Variants in CA10 observed in about 807,000 individuals in gnomAD.
The protein encoded by CA10 is carbonic anhydrase-related protein 10.
Under a neutral mutation model 44.2 loss-of-function variants are expected in CA10, and 14 were observed. That is an observed-to-expected ratio of 0.32 (90% CI 0.21 to 0.50). The LOEUF (loss-of-function observed/expected upper bound fraction) is 0.50, where lower values mean the gene tolerates loss of function less well. Among genes scored for constraint, CA10 ranks in the 20% least tolerant of loss-of-function variants. CA10 has a pLI of 0.99. For synonymous variants in CA10, 159 were observed against 141.6 expected, an observed-to-expected ratio of 1.12 and a Z score of -0.87; for missense variants, 350 against 409.7, an observed-to-expected ratio of 0.85 and a Z score of 1.26.
At chr17:51,952,542 G>A (rs922599552) in intron 2 of CA10, among the ~76,000 whole-genome samples, 6 of 98,212 alleles carry the variant, frequency 6.1e-5, no homozygotes, top group South Asian at 4.4e-4. Flanking sequence ...GTGACAGAGA[G>A]GGACCCTGTC....
At chr17:51,798,783 A>AGG (rs1049300855) in intron 3 of CA10, among the ~76,000 whole-genome samples, 3 of 152,272 alleles carry the variant, frequency 2.0e-5, no homozygotes, top group Non-Finnish European at 2.9e-5. Context: ...ACATTTTATC[A>AGG]GGGCAGGACT....
chr17:51,796,508 A>G (rs1368277462), intron 3 of CA10, among the ~76,000 whole-genome samples: 1 of 152,222 alleles, frequency 6.6e-6, no homozygotes, highest in African/African-American at 2.4e-5. Context: ...GATTGAGTCA[A>G]CAAAACAGAT....
chr17:51,638,697 T>C (rs1306866666), intron 6 of CA10, among the ~76,000 whole-genome samples: 1 of 152,192 alleles, frequency 6.6e-6, no homozygotes, highest in Non-Finnish European at 1.5e-5. Flanking sequence ...GCAGAAGGCA[T>C]GACAGAGACA....
chr17:52,065,646 T>A (rs570586944), intron 2 of CA10, among the ~76,000 whole-genome samples: 1 of 152,254 alleles, frequency 6.6e-6, no homozygotes, highest in East Asian at 1.9e-4. Flanking sequence ...TAGGGTAAAA[T>A]CCAAACTTCT....
At chr17:51,939,002 G>A (rs960535562) in intron 2 of CA10, among the ~76,000 whole-genome samples, 1 of 152,016 alleles carries the variant, frequency 6.6e-6, no homozygotes, top group Non-Finnish European at 1.5e-5. Context: ...TGATCCACAG[G>A]TGTATAAAGC....
At chr17:51,774,890 A>G (rs1455203802) in intron 3 of CA10, among the ~76,000 whole-genome samples, 1 of 152,146 alleles carries the variant, frequency 6.6e-6, no homozygotes, top group African/African-American at 2.4e-5. Context: ...TTTAATACAT[A>G]CATCCTATAG....
At chr17:52,101,626 TATA>T (rs1390017242) in intron 1 of CA10, among the ~76,000 whole-genome samples, 1 of 152,180 alleles carries the variant, frequency 6.6e-6, no homozygotes, top group East Asian at 1.9e-4. Context: ...AATAAAAAAT[TATA>T]ATATTTCTTA....
intron 1 of CA10, chr17:52,134,855 A>T (rs773725153): frequency 5.8e-6 from 3 of 518,922 alleles, no homozygotes; most frequent in South Asian, 4.2e-5. Context: ...CATGAGCCAG[A>T]ACCCTGGGCT....
At chr17:51,958,114 G>T (rs1983735698) in intron 2 of CA10, among the ~76,000 whole-genome samples, 1 of 152,104 alleles carries the variant, frequency 6.6e-6, no homozygotes, top group Non-Finnish European at 1.5e-5. Flanking sequence ...CATATAGTAA[G>T]TGTTCAATGT....
At chr17:51,649,344 C>A in intron 5 of CA10, 90 bp from the exon 6 acceptor site, 2 of 966,134 alleles carry the variant, frequency 2.1e-6, no homozygotes, top group Non-Finnish European at 3.3e-6. Context: ...TTCATAGTTA[C>A]TGAGTATCTA....
intron 2 of CA10, among the ~76,000 whole-genome samples, chr17:51,960,168 G>GA (rs907365740): frequency 4.0e-5 from 6 of 151,382 alleles, no homozygotes; most frequent in African/African-American, 9.7e-5. Flanking sequence ...GGAGATGCCA[G>GA]AAAAAAAAGA....
At chr17:51,838,669 C>T (rs1338240525) in intron 3 of CA10, among the ~76,000 whole-genome samples, 1 of 152,244 alleles carries the variant, frequency 6.6e-6, no homozygotes, top group Non-Finnish European at 1.5e-5. Flanking sequence ...TGAGACACTG[C>T]ATAGTAAAGC....
chr17:51,846,130 C>G (rs942845985), intron 3 of CA10, among the ~76,000 whole-genome samples: 13 of 152,364 alleles, frequency 8.5e-5, no homozygotes, highest in African/African-American at 2.9e-4. Context: ...TACCACAGGT[C>G]TGCAAAGGAG....
intron 4 of CA10, among the ~76,000 whole-genome samples, chr17:51,694,465 G>C (rs1408753384): frequency 6.9e-6 from 1 of 144,064 alleles, no homozygotes; most frequent in Non-Finnish European, 1.5e-5. Context: ...AGAAGTGGCT[G>C]TTCATGTCTT....
intron 1 of CA10, among the ~76,000 whole-genome samples, chr17:52,125,518 G>A (rs758637047): frequency 3.3e-5 from 5 of 152,120 alleles, no homozygotes; most frequent in Non-Finnish European, 7.3e-5. Context: ...GAAGTGGGGC[G>A]GATCTCTAGA....
At chr17:51,954,824 C>A (rs1318939552) in intron 2 of CA10, among the ~76,000 whole-genome samples, 1 of 152,156 alleles carries the variant, frequency 6.6e-6, no homozygotes. Context: ...CAAAGCAGCT[C>A]CTCTGTAAGG....
rs368808108 is a variant in CA10 at position 51,676,937 on chromosome 17, A to G, written c.466-23201T>C. Reference sequence around the variant, plus strand: ...TGGGTCTACCACAGAGTCCATGGCCACAGAGTAGCCCTCTGTGGCTTCCTG... The same window carrying G: ...TGGGTCTACCACAGAGTCCATGGCCGCAGAGTAGCCCTCTGTGGCTTCCTG... On this transcript the variant is annotated intron_variant, in intron 4 of 8. Coordinates refer to ENST00000451037, the MANE Select transcript of CA10 (RefSeq NM_020178.5). Among the ~76,000 whole-genome samples the G allele has an allele frequency of 4.6e-5, 7 of 152,148 alleles. No homozygotes were observed. The East Asian group carries it at 9.6e-4, about 21-fold the overall frequency.
intron 3 of CA10, among the ~76,000 whole-genome samples, chr17:51,913,656 G>A (rs559936331): frequency 3.9e-5 from 6 of 152,252 alleles, no homozygotes; most frequent in African/African-American, 1.2e-4. Flanking sequence ...AGAGAAGTCC[G>A]AATGACCGCA....
chr17:51,950,532 C>T (rs775523415), intron 2 of CA10, among the ~76,000 whole-genome samples: 3 of 152,144 alleles, frequency 2.0e-5, no homozygotes, highest in Non-Finnish European at 2.9e-5. Context: ...GTTTTCCTCT[C>T]CCAAGGTCAC....
Sources: gnomAD v4.1 joint callset for allele counts (sites outside exome capture counted in the v4.1 genomes callset) on GRCh38, gnomAD v4.1.1 for gene constraint, MANE v1.5 for transcripts, NCBI Gene and HGNC (gene_info 2026-07-23, HGNC 2026-07-21) for gene names.